DRC11: variants seen among roughly 807,000 people sequenced by gnomAD.
The protein encoded by DRC11 is IQ and AAA domain-containing protein 1.
At chr2:236,407,410 C>A in the DRC11 span, among the ~76,000 whole-genome samples, 1 of 152,172 alleles carries the variant, frequency 6.6e-6, no homozygotes, top group African/African-American at 2.4e-5. Context: ...GGAGTCTACA[C>A]CATGGGCCCT....
chr2:236,475,901 G>C, the DRC11 span, among the ~76,000 whole-genome samples: 1 of 152,106 alleles, frequency 6.6e-6, no homozygotes, highest in African/African-American at 2.4e-5. The surrounding 1 kb of genome is among the most constrained non-coding windows in gnomAD (Gnocchi z 4.8). Flanking sequence ...ATTTATTTCA[G>C]GGTTTTCAGT....
the DRC11 span, among the ~76,000 whole-genome samples, chr2:236,352,190 T>C: frequency 0.41 from 61,545 of 151,458 alleles, 13,002 homozygotes; most frequent in African/African-American, 0.5. The surrounding 1 kb of genome is among the most constrained non-coding windows in gnomAD (Gnocchi z 7.0). Context: ...AGGGGGCCAA[T>C]GAGCAGGAGG....
At chr2:236,402,299 A>T in the DRC11 span, among the ~76,000 whole-genome samples, 1 of 152,330 alleles carries the variant, frequency 6.6e-6, no homozygotes, top group East Asian at 1.9e-4. The surrounding 1 kb of genome is among the most constrained non-coding windows in gnomAD (Gnocchi z 6.0). Context: ...GCTCACTCAG[A>T]GGACACACCT....
the DRC11 span, among the ~76,000 whole-genome samples, chr2:236,480,202 T>C: frequency 6.6e-6 from 1 of 152,138 alleles, no homozygotes; most frequent in Admixed American, 6.5e-5. Flanking sequence ...GAGTTTATTA[T>C]ATACCTTGGG....
At chr2:236,449,523 G>C in the DRC11 span, among the ~76,000 whole-genome samples, 1 of 152,212 alleles carries the variant, frequency 6.6e-6, no homozygotes, top group Non-Finnish European at 1.5e-5. This position sits in a 1 kb window ranked among gnomAD's most constrained non-coding sequence, Gnocchi z 5.1. Context: ...GTCCGGAGGC[G>C]GGGGCTGGGA....
chr2:236,395,387 C>T, the DRC11 span, among the ~76,000 whole-genome samples: 1 of 152,210 alleles, frequency 6.6e-6, no homozygotes, highest in South Asian at 2.1e-4. Context: ...GTATAGAAAA[C>T]AAGCATTGCA....
chr2:236,504,189 T>G, the DRC11 span, among the ~76,000 whole-genome samples: 1 of 138,300 alleles, frequency 7.2e-6, no homozygotes, highest in African/African-American at 3.1e-5. The surrounding 1 kb of genome is among the most constrained non-coding windows in gnomAD (Gnocchi z 5.0). Context: ...GAAGTGAAAT[T>G]ACACGGCGGT....
the DRC11 span, among the ~76,000 whole-genome samples, chr2:236,344,306 C>T: frequency 3.3e-5 from 5 of 152,152 alleles, no homozygotes; most frequent in African/African-American, 7.2e-5. Flanking sequence ...ACCTCTGAAT[C>T]GTATGTTTGG....
At chr2:236,366,975 ATTTTT>A in the DRC11 span, among the ~76,000 whole-genome samples, 2 of 127,392 alleles carry the variant, frequency 1.6e-5, no homozygotes, top group Non-Finnish European at 3.3e-5. Flanking sequence ...ACACCCGGCT[ATTTTT>A]TTTTTTTTTT....
At chr2:236,320,200 T>C in the DRC11 span, among the ~76,000 whole-genome samples, 1 of 152,252 alleles carries the variant, frequency 6.6e-6, no homozygotes, top group Non-Finnish European at 1.5e-5. Flanking sequence ...ACCAAGGTCC[T>C]TTTGGTTTCC....
At chr2:236,389,350 G>T in the DRC11 span, among the ~76,000 whole-genome samples, 372 of 152,338 alleles carry the variant, frequency 2.4e-3, 3 homozygotes, top group African/African-American at 8.5e-3. Context: ...CCAGGTGCCG[G>T]ATATAATCTC....
At chr2:236,349,512 T>C in the DRC11 span, among the ~76,000 whole-genome samples, 1 of 152,200 alleles carries the variant, frequency 6.6e-6, no homozygotes, top group Admixed American at 6.5e-5. This position sits in a 1 kb window ranked among gnomAD's most constrained non-coding sequence, Gnocchi z 5.5. Context: ...ATGTGGTACA[T>C]ATACACCATG....
chr2:236,338,049 G>A, the DRC11 span, among the ~76,000 whole-genome samples: 3 of 152,240 alleles, frequency 2.0e-5, no homozygotes, highest in African/African-American at 7.2e-5. Context: ...TGCAGCACAT[G>A]CTCTGTGTTG....
At chr2:236,389,290 A>G in the DRC11 span, among the ~76,000 whole-genome samples, 1 of 152,036 alleles carries the variant, frequency 6.6e-6, no homozygotes, top group Non-Finnish European at 1.5e-5. Flanking sequence ...TTGATCTCAG[A>G]CTGCTGTGCT....
the DRC11 span, among the ~76,000 whole-genome samples, chr2:236,370,050 G>A: frequency 2.6e-5 from 4 of 152,284 alleles, no homozygotes; most frequent in African/African-American, 7.2e-5. This position sits in a 1 kb window ranked among gnomAD's most constrained non-coding sequence, Gnocchi z 5.5. Flanking sequence ...TAGGGTTGTC[G>A]CAGATAGATT....
At chr2:236,408,909 A>G in the DRC11 span, 1 of 664,064 alleles carries the variant, frequency 1.5e-6, no homozygotes, top group South Asian at 1.5e-5. This position sits in a 1 kb window ranked among gnomAD's most constrained non-coding sequence, Gnocchi z 5.5. Context: ...GACTTCTTGC[A>G]CGATGTGGGT....
chr2:236,345,345 T>G, the DRC11 span, among the ~76,000 whole-genome samples: 1 of 151,524 alleles, frequency 6.6e-6, no homozygotes, highest in Non-Finnish European at 1.5e-5. Flanking sequence ...CTGTCAGTCC[T>G]GTTCTGACAG....
the DRC11 span, among the ~76,000 whole-genome samples, chr2:236,390,183 A>C: frequency 6.6e-6 from 1 of 152,138 alleles, no homozygotes; most frequent in East Asian, 1.9e-4. The surrounding 1 kb of genome is among the most constrained non-coding windows in gnomAD (Gnocchi z 5.9). Flanking sequence ...TATAATTGTT[A>C]TATCTTCCTA....
the DRC11 span, among the ~76,000 whole-genome samples, chr2:236,344,094 GGA>G: frequency 1.3e-5 from 2 of 151,996 alleles, no homozygotes; most frequent in African/African-American, 4.8e-5. Flanking sequence ...ACCATTGAAA[GGA>G]GAGAAAAGAA....
Sources: allele counts gnomAD v4.1 joint callset (sites outside exome capture counted in the v4.1 genomes callset), GRCh38; gene constraint gnomAD v4.1.1; non-coding constraint Gnocchi (gnomAD v3.1); transcripts MANE v1.5; gene names NCBI Gene and HGNC (gene_info 2026-07-23, HGNC 2026-07-21).